TGFBRAP1: variants seen among roughly 807,000 people sequenced by gnomAD.
TGFBRAP1 encodes the protein transforming growth factor beta receptor associated protein 1.
Under a neutral mutation model 83.2 loss-of-function variants are expected in TGFBRAP1, and 20 were observed. The ratio of observed to expected loss-of-function variants is 0.24; its 90% confidence interval spans 0.17 to 0.35. The LOEUF (loss-of-function observed/expected upper bound fraction) is 0.35, where lower values mean the gene tolerates loss of function less well. Among genes scored for constraint, TGFBRAP1 ranks in the 10% least tolerant of loss-of-function variants. The pLI is 1.00. For synonymous variants in TGFBRAP1, 415 were observed against 459.8 expected (o/e 0.90, Z 1.25); for missense variants, 950 against 1,099.4 (o/e 0.86, Z 1.92).
Position 105,308,285 on chromosome 2 carries a change from G to T in TGFBRAP1, c.17C>A (p.Ala6Asp). MMSIK[A>D]FTLVSAVERE... ...CTCCACAGCAGAGACAAGCGTAAAGGCTTTGATGCTCATCATGTCTACTGG... is the reference window on the plus strand; with the variant it reads ...CTCCACAGCAGAGACAAGCGTAAAGTCTTTGATGCTCATCATGTCTACTGG... Residue 6 changes from alanine (A) to aspartate (D), a missense_variant, in exon 2 of 12, where the codon GCC (alanine) becomes GAC (aspartate). Transcript: ENST00000393359. 1 of 1,609,490 alleles carries T rather than the reference G, an allele frequency of 6.2e-7. No homozygotes were observed. Among genetic ancestry groups the T allele is most frequent in the East Asian group, 2.2e-5 (1 of 44,724 alleles).
chr2:105,268,246 C>T (rs755695235), intron 11 of TGFBRAP1, among the ~76,000 whole-genome samples: 1 of 152,190 alleles, frequency 6.6e-6, no homozygotes, highest in East Asian at 1.9e-4. Flanking sequence ...TCCACAAACA[C>T]GGATTAGATG....
rs1285061039 is a variant in TGFBRAP1 at position 105,308,031 on chromosome 2, G to A, written c.271C>T (p.Leu91=). ...ELRAASALNR[L]LVLCDNSISL... ...ATGGAGTTGTCACACAGCACCAGCA[G>A]CCTGTTGAGTGCTGAGGCCGCACGC... The change falls in exon 2 of 12, where the codon CTG becomes TTG. Residue 91 remains leucine, a synonymous_variant. Transcript: ENST00000393359. 1 of 1,613,910 alleles carries A rather than the reference G, an allele frequency of 6.2e-7. No individual in the cohort carries two copies. The highest frequency in any genetic ancestry group is 1.3e-5 in the African/African-American group (1 of 74,940).
intron 4 of TGFBRAP1, among the ~76,000 whole-genome samples, chr2:105,284,816 C>T (rs1677660125): frequency 6.6e-6 from 1 of 152,200 alleles, no homozygotes; most frequent in African/African-American, 2.4e-5. Context: ...ATGAAACAGA[C>T]AAACACCCAG....
chr2:105,252,171 T>G, the TGFBRAP1 span, among the ~76,000 whole-genome samples: 1 of 152,226 alleles, frequency 6.6e-6, no homozygotes, highest in Non-Finnish European at 1.5e-5. Flanking sequence ...AATAAAATAC[T>G]GCTGCCGTAT....
chr2:105,268,600 G>C (rs1457047415), intron 11 of TGFBRAP1, among the ~76,000 whole-genome samples: 1 of 152,236 alleles, frequency 6.6e-6, no homozygotes, highest in Non-Finnish European at 1.5e-5. Flanking sequence ...CTGGGAAGCA[G>C]AGAGAGGTGG....
chr2:105,272,452 C>T (rs551494248), intron 10 of TGFBRAP1, among the ~76,000 whole-genome samples: 6 of 152,252 alleles, frequency 3.9e-5, no homozygotes, highest in Non-Finnish European at 5.9e-5. Context: ...GACACACAGA[C>T]GTCTAAAGTC....
intron 1 of TGFBRAP1, among the ~76,000 whole-genome samples, chr2:105,309,008 G>A (rs756935368): frequency 1.7e-4 from 26 of 152,158 alleles, no homozygotes; most frequent in African/African-American, 5.3e-4. Context: ...GGTGTGCCTC[G>A]GATCTCGAAA....
intron 5 of TGFBRAP1, among the ~76,000 whole-genome samples, 200 bp downstream of exon 5, chr2:105,284,116 T>C (rs1677633312): frequency 6.6e-6 from 1 of 152,116 alleles, no homozygotes. Context: ...ATAGGCCAGT[T>C]AAATTAAGGC....
chr2:105,258,730 TAC>T, the TGFBRAP1 span, among the ~76,000 whole-genome samples: 23,580 of 140,242 alleles, frequency 0.17, 2,101 homozygotes, highest in African/African-American at 0.25. Flanking sequence ...TCCCCACCCC[TAC>T]ACACACACAC....
At chr2:105,297,829 CAAATGGCTCAGCA>C (rs1329176708) in intron 3 of TGFBRAP1, among the ~76,000 whole-genome samples, 2 of 152,208 alleles carry the variant, frequency 1.3e-5, no homozygotes, top group Non-Finnish European at 2.9e-5. Context: ...CTCGTACTTT[CAAATGGCTCAGCA>C]AAATGTTAAC....
In TGFBRAP1 at chr2:105,265,889, A is replaced by C. The variant is rs545934849; in HGVS notation, c.*1494T>G. The C allele has an allele frequency of 6.6e-6, 1 of 152,364 alleles. No homozygotes were observed. Among genetic ancestry groups the C allele is most frequent in the South Asian group, 2.1e-4 (1 of 4,824 alleles). 9.4% of individuals were successfully genotyped at this position (152,364 alleles called of 1,614,324 possible). On this transcript the variant is annotated 3_prime_UTR_variant, in exon 12 of 12. Transcript: ENST00000393359. ...ATATTAGTTCACGAAACATGTTTTA[A>C]AGAACAGAGAATGAGGTCTTCATCC...
Position 105,267,295 on chromosome 2 carries a change from G to A in TGFBRAP1, c.*88C>T, listed in dbSNP as rs1676975657. On this transcript the variant is annotated 3_prime_UTR_variant, in exon 12 of 12. Transcript: ENST00000393359. ...CCAGATGTCTCCCTTCGTCCTGGCT[G>A]ACACAGAGCATGGTGGTCATCTGCT... 1.3e-6 allele frequency: 2 copies of A among 1,538,366 alleles called. No individual in the cohort carries two copies. Among genetic ancestry groups the A allele is most frequent in the Admixed American group, 1.9e-5 (1 of 51,418 alleles).
At chr2:105,262,761 T>C (rs1676819268), downstream of TGFBRAP1, among the ~76,000 whole-genome samples, 1 of 152,220 alleles carries the variant, frequency 6.6e-6, no homozygotes, top group South Asian at 2.1e-4. Context: ...TTTACGACTC[T>C]GGACTGCAGG....
At chr2:105,274,354 T>C (rs1171915364) in intron 8 of TGFBRAP1, among the ~76,000 whole-genome samples, 2 of 152,172 alleles carry the variant, frequency 1.3e-5, no homozygotes, top group Non-Finnish European at 2.9e-5. Flanking sequence ...GGAGGTTCTA[T>C]CATGTGCACG....
chr2:105,249,859 T>G, the TGFBRAP1 span: 4 of 152,210 alleles, frequency 2.6e-5, no homozygotes, highest in Non-Finnish European at 5.9e-5. Context: ...ACTATTCCAG[T>G]GGACGGAGGG....
the TGFBRAP1 span, among the ~76,000 whole-genome samples, chr2:105,250,573 TCCCTCTCCCTCCTCTCCCTCTCCCTCCTC>T: frequency 2.2e-5 from 2 of 90,600 alleles, no homozygotes; most frequent in Middle Eastern, 9.8e-3. Context: ...GCTCCTCCTC[TCCCTCTCCCTCCTCTCCCTCTCCCTCCTC>T]TCCCTCTCCC....
At chr2:105,268,126 TAA>T (rs1228893124) in intron 11 of TGFBRAP1, among the ~76,000 whole-genome samples, 2 of 152,196 alleles carry the variant, frequency 1.3e-5, no homozygotes, top group East Asian at 3.8e-4. Context: ...CTGAAAGTTA[TAA>T]AGTTTTTCTA....
chr2:105,293,110 T>C (rs1677969107), intron 4 of TGFBRAP1, among the ~76,000 whole-genome samples: 1 of 152,130 alleles, frequency 6.6e-6, no homozygotes, highest in Non-Finnish European at 1.5e-5. Flanking sequence ...ACGACAATGG[T>C]ACTGCGGTTA....
At chr2:105,280,227 C>T (rs1318693847) in intron 6 of TGFBRAP1, among the ~76,000 whole-genome samples, 155 bp downstream of exon 6, 1 of 152,164 alleles carries the variant, frequency 6.6e-6, no homozygotes, top group African/African-American at 2.4e-5. Context: ...GCACATGCAT[C>T]TGCTGTCACT....
Sources: allele counts gnomAD v4.1 joint callset (sites outside exome capture counted in the v4.1 genomes callset), GRCh38; gene constraint gnomAD v4.1.1; transcripts MANE v1.5; gene names NCBI Gene and HGNC (gene_info 2026-07-23, HGNC 2026-07-21).